MID1: variants seen among roughly 807,000 people sequenced by gnomAD.
MID1 encodes midline 1, also known as E3 ubiquitin-protein ligase Midline-1.
In MID1, 7 loss-of-function variants were observed where a neutral mutation model predicts 40.4. The ratio of observed to expected loss-of-function variants is 0.17; its 90% CI spans 0.10 to 0.33. The LOEUF (loss-of-function observed/expected upper bound fraction) is 0.33. Among genes scored for constraint, MID1 ranks in the 10% least tolerant of loss-of-function variants. MID1 has a pLI of 1.00. For missense variants in MID1, 367 were observed against 558.5 expected (o/e 0.66, Z 3.46); for synonymous variants, 229 against 221.2 (o/e 1.04, Z -0.31).
At chrX:10,502,389 C>T (rs747910347) in intron 3 of MID1, among the ~76,000 whole-genome samples, 10 of 112,055 alleles carry the variant, frequency 8.9e-5, no homozygotes, top group African/African-American at 1.6e-4. Flanking sequence ...CGTACACAGA[C>T]GGAAACACTG....
chrX:10,806,874 A>G (rs983194060), intron 1 of MID1, among the ~76,000 whole-genome samples: 2 of 112,142 alleles, frequency 1.8e-5, no homozygotes, highest in African/African-American at 6.5e-5. Flanking sequence ...TCCTCAAATT[A>G]AAGGGAAGAT....
rs1337278015 is a variant in MID1 at position 10,446,722 on chromosome X, A to G, written c.*2646T>C. On this transcript the variant is annotated 3_prime_UTR_variant, in exon 10 of 10. Coordinates refer to ENST00000317552, the MANE Select transcript of MID1 (RefSeq NM_000381.4). The stretch of plus-strand genomic sequence containing the variant: ...CAGGCCCCTTGTTCAAAAATTGTTA[A>G]GAATTTCAAGACATCAACAGCAGAG... 1.8e-5 allele frequency: 2 copies of G among 112,289 alleles called. No individual in the cohort carries two copies. The highest frequency in any genetic ancestry group is 3.7e-5 in the Non-Finnish European group (2 of 53,341). The allele number at this position is 112,289 out of a possible 1,213,427, so 9.3% of individuals were successfully genotyped here.
intron 2 of MID1, among the ~76,000 whole-genome samples, chrX:10,527,679 T>A (rs1451226134): frequency 3.6e-5 from 4 of 111,126 alleles, no homozygotes; most frequent in African/African-American, 1.3e-4. Flanking sequence ...GAAGCTGATG[T>A]TCCTAGGAGC....
At chrX:10,710,848 C>T in intron 1 of MID1, among the ~76,000 whole-genome samples, 1 of 111,570 alleles carries the variant, frequency 9.0e-6, no homozygotes. Flanking sequence ...ACTTTCAATC[C>T]CCCTTTCCCA....
At chrX:10,469,419 T>G in intron 7 of MID1, 1 of 1,071,140 alleles carries the variant, frequency 9.3e-7, no homozygotes, top group South Asian at 2.5e-5. Context: ...TATGTATCTC[T>G]CTATATATTT....
chrX:10,587,107 T>C (rs1935158357), intron 1 of MID1, among the ~76,000 whole-genome samples: 1 of 112,718 alleles, frequency 8.9e-6, no homozygotes, highest in Non-Finnish European at 1.9e-5. Flanking sequence ...TAAATGGACA[T>C]GAGAGTTGAA....
chrX:10,723,188 G>A (rs745362667), intron 1 of MID1, among the ~76,000 whole-genome samples: 1 of 112,050 alleles, frequency 8.9e-6, no homozygotes, highest in South Asian at 3.7e-4. Flanking sequence ...ATCCTAAAAT[G>A]TTAGCGCTAT....
chrX:10,710,380 G>C (rs16986258), intron 1 of MID1, among the ~76,000 whole-genome samples: 18,422 of 110,638 alleles, frequency 0.17, 2,426 homozygotes, highest in African/African-American at 0.45. Context: ...TAACAAGCAG[G>C]CAATATTTTC....
intron 1 of MID1, among the ~76,000 whole-genome samples, chrX:10,590,103 G>A (rs186677677): frequency 1.5e-3 from 167 of 110,618 alleles, no homozygotes; most frequent in Non-Finnish European, 2.7e-3. Flanking sequence ...AGAACAGACC[G>A]GGAAGTTTTA....
chrX:10,636,014 G>A (rs978213631), intron 1 of MID1, among the ~76,000 whole-genome samples: 2 of 112,052 alleles, frequency 1.8e-5, no homozygotes, highest in African/African-American at 6.5e-5. Flanking sequence ...CCTAACTATA[G>A]ATATTCCATT....
In MID1 at chrX:10,446,902, T is replaced by C. The variant is rs1928064359; in HGVS notation, c.*2466A>G. On this transcript the variant is annotated 3_prime_UTR_variant, in exon 10 of 10. Coordinates refer to ENST00000317552, the MANE Select transcript of MID1 (RefSeq NM_000381.4). Reference sequence around the variant, plus strand: ...TGCCCCTGTATCGCAGTGTTTCCTGTGGTGAGGACCCCAAATAATAAAATA... The same window carrying C: ...TGCCCCTGTATCGCAGTGTTTCCTGCGGTGAGGACCCCAAATAATAAAATA... The C allele has an allele frequency of 9.0e-6, 1 of 111,506 alleles. No individual in the cohort carries two copies. The highest frequency in any genetic ancestry group is 1.9e-5 in the Non-Finnish European group (1 of 53,240). The allele number at this position is 111,506 out of a possible 1,213,427, so 9.2% of individuals were successfully genotyped here.
intron 1 of MID1, among the ~76,000 whole-genome samples, chrX:10,689,273 T>C (rs143850068): frequency 1.8e-5 from 2 of 111,658 alleles, no homozygotes; most frequent in Non-Finnish European, 3.8e-5. Context: ...AACTTAACGA[T>C]CATGGTGTAA....
At chrX:10,751,695 A>C (rs2043599534) in intron 1 of MID1, among the ~76,000 whole-genome samples, 1 of 111,898 alleles carries the variant, frequency 8.9e-6, no homozygotes, top group Non-Finnish European at 1.9e-5. Context: ...AATAAAAAGG[A>C]AATTTCAAGC....
At chrX:10,717,026 A>C (rs1374997410) in intron 1 of MID1, among the ~76,000 whole-genome samples, 1 of 111,818 alleles carries the variant, frequency 8.9e-6, no homozygotes, top group Non-Finnish European at 1.9e-5. Flanking sequence ...GCCTGCCCTA[A>C]AAGAGCTCCT....
intron 1 of MID1, among the ~76,000 whole-genome samples, chrX:10,607,970 GA>G (rs2147528516): frequency 8.9e-6 from 1 of 112,757 alleles, no homozygotes; most frequent in African/African-American, 3.2e-5. Context: ...TTATGTGTGA[GA>G]ATTTTACCTG....
intron 1 of MID1, chrX:10,833,536 G>C (rs962697566): frequency 8.9e-6 from 1 of 112,518 alleles, no homozygotes; most frequent in African/African-American, 3.2e-5. Context: ...CAAGCAGAGA[G>C]AGAGTGGTAA....
chrX:10,627,557 C>T (rs777668002), intron 1 of MID1, among the ~76,000 whole-genome samples: 79 of 111,737 alleles, frequency 7.1e-4, no homozygotes, highest in Non-Finnish European at 1.3e-3. Flanking sequence ...TGATTTAAAT[C>T]CATTTTTTGT....
chrX:10,628,090 T>A (rs1443248499), intron 1 of MID1, among the ~76,000 whole-genome samples: 3 of 111,268 alleles, frequency 2.7e-5, no homozygotes, highest in Admixed American at 9.6e-5. Flanking sequence ...TGTTTTTTTT[T>A]AACATTTTTA....
At chrX:10,751,296 T>C (rs1471012537) in intron 1 of MID1, among the ~76,000 whole-genome samples, 1 of 107,057 alleles carries the variant, frequency 9.3e-6, no homozygotes, top group Non-Finnish European at 1.9e-5. Context: ...AAAAGAAAAT[T>C]ATAAAAAATA....
Sources: gnomAD v4.1 joint callset for allele counts (sites outside exome capture counted in the v4.1 genomes callset) on GRCh38, gnomAD v4.1.1 for gene constraint, MANE v1.5 for transcripts, NCBI Gene and HGNC (gene_info 2026-07-23, HGNC 2026-07-21) for gene names.